The following PCDHGA5 variants were observed in gnomAD, a reference collection of about 807,000 sequenced individuals.
PCDHGA5 encodes the protein protocadherin gamma-A5.
PCDHGA5 carries 36 observed loss-of-function variants against 56.7 expected under a neutral mutation model. That is an observed-to-expected ratio of 0.64 (90% CI 0.49 to 0.84). The LOEUF is 0.84. Among genes scored for constraint, PCDHGA5 ranks in the 40% least tolerant of loss-of-function variants. The pLI is 0.00. For missense variants in PCDHGA5, 1,305 were observed against 1,201.5 expected, an observed-to-expected ratio of 1.09 and a Z score of -1.27; for synonymous variants, 563 against 520.2, an observed-to-expected ratio of 1.08 and a Z score of -1.12.
chr5:141,372,348 C>A, intron 1 of PCDHGA5: 1 of 1,613,852 alleles, frequency 6.2e-7, no homozygotes, highest in Middle Eastern at 1.6e-4. Context: ...TGGAGGACAG[C>A]AGCCTCTTTC....
intron 1 of PCDHGA5, among the ~76,000 whole-genome samples, chr5:141,433,766 G>A (rs2097649774): frequency 6.6e-6 from 1 of 151,888 alleles, no homozygotes; most frequent in South Asian, 2.1e-4. Flanking sequence ...TAACCTGGGA[G>A]GTGGAGGTTG....
At chr5:141,442,682 T>C (rs1591733469) in intron 1 of PCDHGA5, among the ~76,000 whole-genome samples, 1 of 152,218 alleles carries the variant, frequency 6.6e-6, no homozygotes, top group East Asian at 1.9e-4. Context: ...TGAGGGACAG[T>C]AGTCAGGCAG....
rs1778279940 is a variant in PCDHGA5, at chr5:141,382,546, G to A, written c.2421+15795G>A. Among the ~76,000 whole-genome samples the A allele has an allele frequency of 5.3e-5, 8 of 152,162 alleles. No homozygotes were observed. In the South Asian group the frequency reaches 1.4e-3, roughly 28 times the overall value. The stretch of plus-strand genomic sequence containing the variant: ...TCTTAAAATGGATTTTTAATTATCA[G>A]GGATATCTAGAGCAAAGAAATCTAA... On this transcript the variant is annotated intron_variant, in intron 1 of 3. Coordinates refer to ENST00000518069, the MANE Select transcript of PCDHGA5 (RefSeq NM_018918.3).
intron 1 of PCDHGA5, chr5:141,388,088 C>T (rs774450859): frequency 8.8e-6 from 12 of 1,368,276 alleles, no homozygotes; most frequent in Admixed American, 2.0e-5. Flanking sequence ...AACTGCGCGT[C>T]AGTTCGGAGA....
chr5:141,423,753 G>A (rs758300730), intron 1 of PCDHGA5: 1 of 626,096 alleles, frequency 1.6e-6, no homozygotes, highest in Non-Finnish European at 2.0e-6. Context: ...AACTGTTTGG[G>A]GGGGGGGTGG....
chr5:141,393,274 T>G (rs747983531), intron 1 of PCDHGA5: 11 of 1,613,952 alleles, frequency 6.8e-6, no homozygotes, highest in Non-Finnish European at 9.3e-6. Flanking sequence ...CGTTATCCAC[T>G]CCCAGAAGCT....
intron 2 of PCDHGA5, among the ~76,000 whole-genome samples, chr5:141,503,393 G>A (rs954734829): frequency 2.0e-5 from 3 of 151,824 alleles, no homozygotes; most frequent in African/African-American, 4.8e-5. Flanking sequence ...TCAGGAGTTC[G>A]AAACCAACCT....
At chr5:141,374,607 A>C in intron 1 of PCDHGA5, 1 of 1,613,660 alleles carries the variant, frequency 6.2e-7, no homozygotes, top group Non-Finnish European at 8.5e-7. Context: ...CTCAGTGGTA[A>C]TAGTCACTTC....
rs2095403267 is a variant in PCDHGA5, at chr5:141,410,523, A to C, written c.2421+43772A>C. 2 of 1,613,800 alleles carry C rather than the reference A, an allele frequency of 1.2e-6. No individual in the cohort carries two copies. Among genetic ancestry groups the C allele is most frequent in the African/African-American group, 2.7e-5 (2 of 74,910 alleles). ...TTCCTAAAATGCAGTGTGCCCCTAC[A>C]TTCCAATGAAGACATGGTTTGCAGT... On this transcript the variant is annotated intron_variant, in intron 1 of 3. Coordinates refer to ENST00000518069, the MANE Select transcript of PCDHGA5 (RefSeq NM_018918.3).
At position 141,432,987 on chromosome 5, in the gene PCDHGA5, T is replaced by C. The variant is rs1259121931; in HGVS notation, c.2422-61820T>C. ...GCGCCGGCGTCGCACTTTGTGGGCGTGGACGGGGTGCAGGCTTTCCTGCAG... is the reference window on the plus strand; with the variant it reads ...GCGCCGGCGTCGCACTTTGTGGGCGCGGACGGGGTGCAGGCTTTCCTGCAG... On this transcript the variant is annotated intron_variant, in intron 1 of 3. Coordinates refer to ENST00000518069, the MANE Select transcript of PCDHGA5 (RefSeq NM_018918.3). The surrounding 1 kb of genome is among the most constrained non-coding windows in gnomAD (Gnocchi z 6.0). The C allele has an allele frequency of 3.7e-6, 6 of 1,614,174 alleles. No individual in the cohort carries two copies. Among genetic ancestry groups the C allele is most frequent in the Non-Finnish European group, 5.1e-6 (6 of 1,180,032 alleles).
chr5:141,490,454 C>T lies in PCDHGA5; in HGVS notation c.2422-4353C>T. The T allele has an allele frequency of 3.1e-6, 5 of 1,614,176 alleles. No homozygotes were observed. The highest frequency in any genetic ancestry group is 4.2e-6 in the Non-Finnish European group (5 of 1,180,020). On this transcript the variant is annotated intron_variant, in intron 1 of 3. Transcript: ENST00000518069. The surrounding 1 kb of genome is among the most constrained non-coding windows in gnomAD (Gnocchi z 5.4). The stretch of plus-strand genomic sequence containing the variant: ...ATTAAGCCTTCTGAGAACCACTACT[C>T]GCTGCTAACCAGCCAGCCTTTGGAC...
chr5:141,441,627 G>C (rs1239011684), intron 1 of PCDHGA5: 1 of 223,512 alleles, frequency 4.5e-6, no homozygotes, highest in Non-Finnish European at 9.0e-6. Context: ...CAGTGACCTG[G>C]AGCCACAGGC....
intron 1 of PCDHGA5, among the ~76,000 whole-genome samples, chr5:141,461,148 A>G (rs1293565790): frequency 1.3e-5 from 2 of 152,090 alleles, no homozygotes; most frequent in Non-Finnish European, 2.9e-5. Context: ...CTTTGGGTAG[A>G]TACCCAATAG....
At chr5:141,402,801 G>C (rs1218765657) in intron 1 of PCDHGA5, 6 of 1,078,624 alleles carry the variant, frequency 5.6e-6, no homozygotes, top group Middle Eastern at 3.2e-4. Flanking sequence ...CACAAAACCC[G>C]GCAGATACCA....
At chr5:141,372,808 A>G in intron 1 of PCDHGA5, 1 of 1,589,102 alleles carries the variant, frequency 6.3e-7, no homozygotes, top group South Asian at 1.1e-5. Flanking sequence ...AATTTGCAAA[A>G]GGTGAGTTTC....
rs755576652 is a variant in PCDHGA5 at position 141,410,511 on chromosome 5, G to A, written c.2421+43760G>A. 4.3e-6 allele frequency: 7 copies of A among 1,613,942 alleles called. No individual in the cohort carries two copies. In the Admixed American group the frequency reaches 8.3e-5, roughly 19 times the overall value. On this transcript the variant is annotated intron_variant, in intron 1 of 3. Transcript: ENST00000518069. ...AAAGAGTTTAATTTCCTAAAATGCA[G>A]TGTGCCCCTACATTCCAATGAAGAC... is the stretch of plus-strand genomic sequence containing the variant.
chr5:141,487,459 T>A lies in PCDHGA5; in HGVS notation c.2422-7348T>A. The A allele has an allele frequency of 1.2e-6, 2 of 1,614,102 alleles. No homozygotes were observed. Among genetic ancestry groups the A allele is most frequent in the Non-Finnish European group, 1.7e-6 (2 of 1,180,008 alleles). On this transcript the variant is annotated intron_variant, in intron 1 of 3. Transcript: ENST00000518069. The surrounding 1 kb of genome is among the most constrained non-coding windows in gnomAD (Gnocchi z 5.0). ...TAGGGTCAGATGACCCTATCAAGTT[T>A]GTTGATGTGGGAGGCCACTCTCATG...
intron 1 of PCDHGA5, chr5:141,392,800 G>T (rs1394780689): frequency 6.4e-7 from 1 of 1,570,722 alleles, no homozygotes; most frequent in African/African-American, 1.4e-5. Context: ...AGAGGATTCT[G>T]CAGCAAAACA....
At chr5:141,427,617 G>A (rs1295636754) in intron 1 of PCDHGA5, 3 of 694,694 alleles carry the variant, frequency 4.3e-6, no homozygotes, top group Admixed American at 2.0e-5. Flanking sequence ...TGAAGTCAAC[G>A]ACAATGCTCC....
Sources: allele counts gnomAD v4.1 joint callset (sites outside exome capture counted in the v4.1 genomes callset), GRCh38; gene constraint gnomAD v4.1.1; non-coding constraint Gnocchi (gnomAD v3.1); transcripts MANE v1.5; gene names NCBI Gene and HGNC (gene_info 2026-07-23, HGNC 2026-07-21).